The following SNX29 variants were observed in gnomAD, a reference collection of about 807,000 sequenced individuals.
SNX29 encodes sorting nexin 29, also known as sorting nexin-29.
A neutral mutation model predicts 102.1 loss-of-function variants in SNX29; 78 were observed. The ratio of observed to expected loss-of-function variants is 0.76; its 90% CI spans 0.64 to 0.92. The LOEUF (loss-of-function observed/expected upper bound fraction) is 0.92, where lower values mean the gene tolerates loss of function less well. SNX29 is among the 40% of genes least tolerant of loss of function. SNX29 has a pLI of 0.00. For missense variants in SNX29, 1,280 were observed against 1,061.7 expected (o/e 1.21, Z -2.86); for synonymous variants, 580 against 414.5 (o/e 1.40, Z -4.85).
At chr16:12,274,700 C>A (rs2079192811) in intron 14 of SNX29, among the ~76,000 whole-genome samples, 1 of 152,126 alleles carries the variant, frequency 6.6e-6, no homozygotes, top group African/African-American at 2.4e-5. Flanking sequence ...CCACACCATA[C>A]TAATTTTTGT....
intron 15 of SNX29, among the ~76,000 whole-genome samples, chr16:12,302,511 T>C (rs953712709): frequency 6.6e-6 from 1 of 152,348 alleles, no homozygotes; most frequent in South Asian, 2.1e-4. Context: ...GCCCACTTTG[T>C]GGTTCATAGA....
intron 19 of SNX29, among the ~76,000 whole-genome samples, chr16:12,488,159 T>G (rs1288252629): frequency 1.3e-5 from 2 of 152,166 alleles, no homozygotes; most frequent in African/African-American, 4.8e-5. Context: ...TAAGGTCATT[T>G]ATAGACAAAA....
intron 13 of SNX29, among the ~76,000 whole-genome samples, chr16:12,158,139 C>T (rs943292423): frequency 6.6e-5 from 10 of 151,918 alleles, no homozygotes; most frequent in East Asian, 1.9e-4. Flanking sequence ...ATTGCAGTGG[C>T]GCCATCATGG....
intron 11 of SNX29, among the ~76,000 whole-genome samples, chr16:12,119,999 C>G (rs2053905246): frequency 6.6e-6 from 1 of 152,144 alleles, no homozygotes; most frequent in Admixed American, 6.5e-5. Flanking sequence ...ATTTTTTCCT[C>G]CTTTATCTTA....
At chr16:12,288,911 G>A (rs1205681448) in intron 15 of SNX29, among the ~76,000 whole-genome samples, 2 of 152,078 alleles carry the variant, frequency 1.3e-5, no homozygotes, top group African/African-American at 4.8e-5. Flanking sequence ...CCCCAGAGTT[G>A]GTACTCTTCC....
intron 16 of SNX29, among the ~76,000 whole-genome samples, chr16:12,365,326 T>TTGTGTG (rs58869867): frequency 0.15 from 21,591 of 139,652 alleles, 1,857 homozygotes; most frequent in African/African-American, 0.23. Flanking sequence ...ACATCAGGAT[T>TTGTGTG]TGTGTGTGTG....
intron 16 of SNX29, among the ~76,000 whole-genome samples, chr16:12,359,210 C>A (rs567827455): frequency 6.6e-6 from 1 of 152,242 alleles, no homozygotes; most frequent in East Asian, 1.9e-4. Context: ...AGCTGGTGTC[C>A]GCTGCAGAAC....
In SNX29 at chr16:12,339,940, G is replaced by A. The variant is rs78989026; in HGVS notation, c.1783-16223G>A. Among the ~76,000 whole-genome samples, 34 of 152,256 alleles carry A rather than the reference G, an allele frequency of 2.2e-4. No homozygotes were observed. In the East Asian group the frequency reaches 6.2e-3, roughly 28 times the overall value. ...CCCCAGATCACTAGGAAGAGAGGTG[G>A]TTTCTTAAGAAAAAGCAGGATTCCA... On this transcript the variant is annotated intron_variant, in intron 15 of 20. Transcript: ENST00000566228.
intron 18 of SNX29, among the ~76,000 whole-genome samples, chr16:12,451,983 T>C (rs1177536281): frequency 6.6e-6 from 1 of 152,208 alleles, no homozygotes; most frequent in Non-Finnish European, 1.5e-5. Flanking sequence ...TTGAGCCATA[T>C]GGTTCTTCTG....
chr16:12,408,182 A>AAAAC (rs2084252271), intron 18 of SNX29, among the ~76,000 whole-genome samples: 5 of 138,652 alleles, frequency 3.6e-5, no homozygotes, highest in African/African-American at 1.4e-4. Context: ...ACAAACAAAA[A>AAAAC]AAAAACTAGA....
Position 12,573,068 on chromosome 16 carries a change from A to C in SNX29, c.*4439A>C, listed in dbSNP as rs141789627. ...CTGCAGTTGTAGCACTGTATATTTT[A>C]TCTCATTTCTGTGCCAAGAAAGTTC... On this transcript the variant is annotated 3_prime_UTR_variant, in exon 21 of 21. Coordinates refer to ENST00000566228, the MANE Select transcript of SNX29 (RefSeq NM_032167.5). The C allele has an allele frequency of 3.8e-3, 877 of 232,074 alleles. 9 individuals carry two copies. The highest frequency in any genetic ancestry group is 0.018 in the African/African-American group (816 of 45,276). 14.4% of individuals were successfully genotyped at this position (232,074 alleles called of 1,614,324 possible).
chr16:12,561,688 CT>C (rs1476756887), intron 20 of SNX29, among the ~76,000 whole-genome samples: 2 of 152,198 alleles, frequency 1.3e-5, no homozygotes, highest in African/African-American at 4.8e-5. Context: ...CACAGACCCC[CT>C]TTTCCCCAAC....
chr16:12,382,404 A>C (rs1408607491), intron 16 of SNX29, among the ~76,000 whole-genome samples: 4 of 152,214 alleles, frequency 2.6e-5, no homozygotes, highest in Non-Finnish European at 4.4e-5. Flanking sequence ...GCCTGCTTCC[A>C]GTCCTCACTG....
chr16:12,551,910 A>G (rs772407068), intron 20 of SNX29, among the ~76,000 whole-genome samples: 1 of 151,970 alleles, frequency 6.6e-6, no homozygotes, highest in African/African-American at 2.4e-5. Flanking sequence ...GGATCTCTAT[A>G]CCCTACCACA....
chr16:12,259,199 A>G (rs2078660807), intron 14 of SNX29, among the ~76,000 whole-genome samples: 2 of 152,134 alleles, frequency 1.3e-5, no homozygotes, highest in Admixed American at 6.5e-5. Flanking sequence ...CATTTATTAT[A>G]TCGTTCCGAT....
chr16:12,376,238 G>A (rs1190400447), intron 16 of SNX29, among the ~76,000 whole-genome samples: 3 of 152,088 alleles, frequency 2.0e-5, no homozygotes, highest in South Asian at 2.1e-4. Context: ...CCCACGCCAC[G>A]TCCCTGGCAC....
At chr16:12,534,739 C>T (rs528173566) in intron 20 of SNX29, among the ~76,000 whole-genome samples, 9 of 152,230 alleles carry the variant, frequency 5.9e-5, no homozygotes, top group African/African-American at 9.6e-5. Flanking sequence ...CCTTGCCCTA[C>T]TAAACCCAAG....
At chr16:12,555,517 C>T (rs186437105) in intron 20 of SNX29, among the ~76,000 whole-genome samples, 2 of 151,816 alleles carry the variant, frequency 1.3e-5, no homozygotes, top group Admixed American at 1.3e-4. Context: ...ATTGACTGGA[C>T]AGCGCCCCTG....
intron 18 of SNX29, among the ~76,000 whole-genome samples, chr16:12,472,200 A>G (rs919884191): frequency 1.3e-5 from 2 of 150,936 alleles, no homozygotes; most frequent in Admixed American, 1.3e-4. Context: ...AGAGGAGCAC[A>G]CACTGGTTCC....
Sources: gnomAD v4.1 joint callset for allele counts (sites outside exome capture counted in the v4.1 genomes callset) on GRCh38, gnomAD v4.1.1 for gene constraint, MANE v1.5 for transcripts, NCBI Gene and HGNC (gene_info 2026-07-23, HGNC 2026-07-21) for gene names.